Variants in WWOX observed in about 807,000 individuals in gnomAD.
WWOX encodes the protein WW domain containing oxidoreductase.
A neutral mutation model predicts 46.2 loss-of-function variants in WWOX; 69 were observed. The observed-to-expected ratio is 1.49, with a 90% confidence interval of 1.23 to 1.82. WWOX has a LOEUF of 1.82. Ranked by LOEUF, WWOX falls within the 40% of genes most tolerant of loss-of-function variation. The probability of loss-of-function intolerance (pLI) is 0.00; values close to 1 mark genes in which losing one functional copy is unlikely to be tolerated. For missense variants in WWOX, 919 were observed against 542.6 expected, an observed-to-expected ratio of 1.69 and a Z score of -6.89; for synonymous variants, 359 against 202.6, an observed-to-expected ratio of 1.77 and a Z score of -6.56.
intron 5 of WWOX, among the ~76,000 whole-genome samples, chr16:78,278,899 G>A (rs777525322): frequency 6.6e-6 from 1 of 152,094 alleles, no homozygotes; most frequent in Non-Finnish European, 1.5e-5. Context: ...TTGTGTGTGC[G>A]TGTACGTGTA....
chr16:78,998,357 T>G (rs970946994), intron 8 of WWOX, among the ~76,000 whole-genome samples: 2 of 152,162 alleles, frequency 1.3e-5, no homozygotes, highest in Admixed American at 1.3e-4. Flanking sequence ...GTCTGTGGGT[T>G]TTCACGCTTT....
At chr16:79,005,946 T>C (rs1450334603) in intron 8 of WWOX, among the ~76,000 whole-genome samples, 2 of 152,152 alleles carry the variant, frequency 1.3e-5, no homozygotes, top group African/African-American at 4.8e-5. Context: ...ATCCATACTC[T>C]GGTTACCCAC....
At chr16:78,255,551 A>G (rs1335820450) in intron 5 of WWOX, among the ~76,000 whole-genome samples, 2 of 152,166 alleles carry the variant, frequency 1.3e-5, no homozygotes, top group African/African-American at 2.4e-5. Flanking sequence ...TCTTGGCACT[A>G]TAGGGGGCAT....
At chr16:78,561,400 A>C (rs1246060280) in intron 8 of WWOX, among the ~76,000 whole-genome samples, 1 of 152,138 alleles carries the variant, frequency 6.6e-6, no homozygotes, top group Non-Finnish European at 1.5e-5. Flanking sequence ...TCAAGGGCTC[A>C]CGTGATGAGG....
intron 8 of WWOX, among the ~76,000 whole-genome samples, chr16:78,681,707 G>C (rs9929802): frequency 6.6e-6 from 1 of 152,140 alleles, no homozygotes; most frequent in Non-Finnish European, 1.5e-5. Context: ...CCAGCTCTTC[G>C]TTAATTACCT....
At chr16:78,851,271 C>G (rs1400264462) in intron 8 of WWOX, among the ~76,000 whole-genome samples, 1 of 152,132 alleles carries the variant, frequency 6.6e-6, no homozygotes. Context: ...GGGTCATAAA[C>G]AATAATTTTC....
At chr16:78,432,340 A>G in intron 7 of WWOX, 148 bp from the exon 8 acceptor site, 1 of 1,040,878 alleles carries the variant, frequency 9.6e-7, no homozygotes, top group Non-Finnish European at 1.4e-6. Flanking sequence ...TCCCGACCTC[A>G]GGTGATCCAC....
chr16:79,165,121 A>C (rs2050565674), intron 8 of WWOX, among the ~76,000 whole-genome samples: 2 of 150,224 alleles, frequency 1.3e-5, no homozygotes, highest in East Asian at 4.0e-4. Context: ...TAAACTTGAT[A>C]TGGAAGGTCT....
At chr16:78,656,643 G>A (rs933645765) in intron 8 of WWOX, among the ~76,000 whole-genome samples, 1 of 152,098 alleles carries the variant, frequency 6.6e-6, no homozygotes, top group South Asian at 2.1e-4. Flanking sequence ...CTCCCACCGG[G>A]CCCCTCCTCC....
intron 5 of WWOX, among the ~76,000 whole-genome samples, chr16:78,204,091 C>T (rs932249540): frequency 2.6e-5 from 4 of 152,114 alleles, no homozygotes; most frequent in African/African-American, 4.8e-5. Context: ...ACAGTCTGCC[C>T]GGAGACGGGA....
intron 7 of WWOX, among the ~76,000 whole-genome samples, chr16:78,425,648 A>T (rs1472005212): frequency 6.6e-6 from 1 of 152,176 alleles, no homozygotes; most frequent in African/African-American, 2.4e-5. Flanking sequence ...GACATTTGAA[A>T]ATTTCCTCGT....
chr16:78,408,389 A>C (rs182293704), intron 6 of WWOX, among the ~76,000 whole-genome samples: 2 of 152,154 alleles, frequency 1.3e-5, no homozygotes, highest in African/African-American at 2.4e-5. Context: ...ACATGGGGCA[A>C]CTTTACTGCC....
At chr16:78,872,451 G>T (rs1408205245) in intron 8 of WWOX, among the ~76,000 whole-genome samples, 1 of 152,210 alleles carries the variant, frequency 6.6e-6, no homozygotes, top group African/African-American at 2.4e-5. Context: ...CAGGCTGAGA[G>T]ATGAGACAGT....
chr16:78,876,005 C>A (rs188284946), intron 8 of WWOX, among the ~76,000 whole-genome samples: 23 of 152,142 alleles, frequency 1.5e-4, no homozygotes, highest in Admixed American at 1.5e-3. Flanking sequence ...TTTAGGTCTC[C>A]CACCCTCTCT....
At chr16:78,487,782 A>G (rs1272115676) in intron 8 of WWOX, among the ~76,000 whole-genome samples, 1 of 152,118 alleles carries the variant, frequency 6.6e-6, no homozygotes, top group Non-Finnish European at 1.5e-5. Flanking sequence ...CCAGAGCTAC[A>G]TTCTTAGCTG....
chr16:78,358,101 A>T lies in WWOX; in HGVS notation c.517-28759A>T, dbSNP rs140636366. ...TGGAACTAGTTCTTTGTTTTTGTAA[A>T]AGCATCATGCACTAGGTAAAATGTT... On this transcript the variant is annotated intron_variant, in intron 5 of 8. Coordinates refer to ENST00000566780, the MANE Select transcript of WWOX (RefSeq NM_016373.4). 3.5e-4 allele frequency among the ~76,000 whole-genome samples: 54 copies of T among 152,304 alleles called. No individual in the cohort carries two copies. The East Asian group carries it at 0.01, about 28-fold the overall frequency.
intron 8 of WWOX, among the ~76,000 whole-genome samples, chr16:78,929,210 A>C (rs1259901733): frequency 1.3e-5 from 2 of 152,120 alleles, no homozygotes; most frequent in Non-Finnish European, 2.9e-5. Context: ...AATTATTTTC[A>C]TAAACTCTTC....
intron 8 of WWOX, among the ~76,000 whole-genome samples, chr16:78,559,526 T>G (rs1177772363): frequency 6.6e-6 from 1 of 152,204 alleles, no homozygotes; most frequent in Non-Finnish European, 1.5e-5. Context: ...ATTGCCTGGA[T>G]CACCTTGTTA....
chr16:78,163,493 C>T (rs1380013552), intron 4 of WWOX, among the ~76,000 whole-genome samples: 4 of 152,200 alleles, frequency 2.6e-5, no homozygotes, highest in Admixed American at 6.5e-5. Context: ...CCCATCTTCT[C>T]AGGCTTCCAA....
Sources: gnomAD v4.1 joint callset for allele counts (sites outside exome capture counted in the v4.1 genomes callset) on GRCh38, gnomAD v4.1.1 for gene constraint, MANE v1.5 for transcripts, NCBI Gene and HGNC (gene_info 2026-07-23, HGNC 2026-07-21) for gene names.